CACNA2D3: variants seen among roughly 807,000 people sequenced by gnomAD.
The protein encoded by CACNA2D3 is voltage-dependent calcium channel subunit alpha-2/delta-3.
In CACNA2D3, 60 loss-of-function variants were observed where a neutral mutation model predicts 160.6. That is an observed-to-expected ratio of 0.37 (90% CI 0.30 to 0.46). The LOEUF (loss-of-function observed/expected upper bound fraction) is 0.46, where lower values mean the gene tolerates loss of function less well. CACNA2D3 is among the 20% of genes least tolerant of loss of function. CACNA2D3 has a pLI of 1.00. For missense variants in CACNA2D3, 1,205 were observed against 1,365.0 expected (o/e 0.88, Z 1.85); for synonymous variants, 558 against 492.9 (o/e 1.13, Z -1.75).
chr3:54,162,915 A>G (rs1353888085), intron 2 of CACNA2D3, among the ~76,000 whole-genome samples: 1 of 152,228 alleles, frequency 6.6e-6, no homozygotes, highest in Non-Finnish European at 1.5e-5. Flanking sequence ...AACAATAAAT[A>G]GGGTAAGGGG....
chr3:54,446,849 T>C (rs1282571148), intron 4 of CACNA2D3, among the ~76,000 whole-genome samples: 1 of 152,010 alleles, frequency 6.6e-6, no homozygotes, highest in Non-Finnish European at 1.5e-5. Context: ...CACCTCTGAC[T>C]CTCCTGGAAT....
chr3:54,314,320 G>A (rs1703814484), intron 2 of CACNA2D3, among the ~76,000 whole-genome samples: 1 of 152,154 alleles, frequency 6.6e-6, no homozygotes, highest in Non-Finnish European at 1.5e-5. Flanking sequence ...TGGGTATTTG[G>A]GTTGGTTCCA....
At chr3:54,328,652 C>G (rs980190390) in intron 3 of CACNA2D3, among the ~76,000 whole-genome samples, 1 of 152,170 alleles carries the variant, frequency 6.6e-6, no homozygotes, top group African/African-American at 2.4e-5. Context: ...TGTCCTGCAC[C>G]AGGGTTTGAG....
chr3:55,022,496 C>G (rs1703477293), intron 35 of CACNA2D3, among the ~76,000 whole-genome samples: 1 of 151,868 alleles, frequency 6.6e-6, no homozygotes. Context: ...TTTATATGCT[C>G]TTATTCCTCA....
At chr3:54,190,400 A>T (rs1049476368) in intron 2 of CACNA2D3, among the ~76,000 whole-genome samples, 1 of 152,250 alleles carries the variant, frequency 6.6e-6, no homozygotes, top group Non-Finnish European at 1.5e-5. Flanking sequence ...GAAGAACACA[A>T]GTTTAGGACC....
intron 2 of CACNA2D3, among the ~76,000 whole-genome samples, chr3:54,294,143 C>T (rs957549881): frequency 5.3e-5 from 8 of 152,152 alleles, no homozygotes; most frequent in Admixed American, 4.6e-4. Context: ...TGATATTCGC[C>T]AGTGCTTTGG....
chr3:54,602,522 G>A (rs1207034172), intron 9 of CACNA2D3, among the ~76,000 whole-genome samples: 39 of 141,488 alleles, frequency 2.8e-4, no homozygotes, highest in Admixed American at 5.6e-4. Flanking sequence ...AAAAAAAAAA[G>A]GGAAAAAAGA....
At chr3:54,268,418 T>C (rs991726381) in intron 2 of CACNA2D3, among the ~76,000 whole-genome samples, 9 of 152,168 alleles carry the variant, frequency 5.9e-5, no homozygotes, top group Non-Finnish European at 1.2e-4. Flanking sequence ...ATTTTATTTT[T>C]TATTTATTGA....
intron 4 of CACNA2D3, among the ~76,000 whole-genome samples, chr3:54,502,904 T>A (rs1275156684): frequency 6.6e-6 from 1 of 152,186 alleles, no homozygotes; most frequent in African/African-American, 2.4e-5. Flanking sequence ...CACACTCCCA[T>A]CTGAGGGCTT....
chr3:54,434,779 G>A (rs1051904430), intron 4 of CACNA2D3, among the ~76,000 whole-genome samples: 3 of 152,120 alleles, frequency 2.0e-5, no homozygotes, highest in Non-Finnish European at 4.4e-5. Flanking sequence ...ATTCAGTCCA[G>A]GCCAGTTTCC....
At chr3:54,495,916 A>G (rs931991948) in intron 4 of CACNA2D3, among the ~76,000 whole-genome samples, 7 of 152,218 alleles carry the variant, frequency 4.6e-5, no homozygotes, top group African/African-American at 9.6e-5. Flanking sequence ...GAAATCATGC[A>G]TATGTACTCT....
At chr3:54,544,848 C>A in intron 5 of CACNA2D3, among the ~76,000 whole-genome samples, 1 of 152,136 alleles carries the variant, frequency 6.6e-6, no homozygotes, top group Non-Finnish European at 1.5e-5. Flanking sequence ...GAAATAGCAA[C>A]TTTAAATTGA....
chr3:54,165,937 A>C (rs1700447041), intron 2 of CACNA2D3, among the ~76,000 whole-genome samples: 1 of 152,226 alleles, frequency 6.6e-6, no homozygotes, highest in African/African-American at 2.4e-5. Context: ...AGAAATATGC[A>C]TTTGATCTCC....
intron 34 of CACNA2D3, among the ~76,000 whole-genome samples, chr3:55,015,518 C>A (rs1199815045): frequency 6.6e-6 from 1 of 152,162 alleles, no homozygotes; most frequent in Non-Finnish European, 1.5e-5. Context: ...CATCTGCATG[C>A]TTGTGCCGCA....
At chr3:55,021,625 G>GTATATATATATATA (rs61298986) in intron 35 of CACNA2D3, among the ~76,000 whole-genome samples, 7 of 131,498 alleles carry the variant, frequency 5.3e-5, no homozygotes, top group African/African-American at 2.0e-4. Flanking sequence ...ATGTGTGTGT[G>GTATATATATATATA]TATATATATA....
chr3:54,809,732 T>C (rs144031520), intron 13 of CACNA2D3, among the ~76,000 whole-genome samples: 1 of 151,692 alleles, frequency 6.6e-6, no homozygotes, highest in Non-Finnish European at 1.5e-5. Context: ...CCCTTCCTTT[T>C]TTCTTTTTCT....
chr3:54,864,213 G>A (rs1016381576), intron 17 of CACNA2D3, among the ~76,000 whole-genome samples: 1 of 151,952 alleles, frequency 6.6e-6, no homozygotes, highest in Non-Finnish European at 1.5e-5. Flanking sequence ...GTAAGATATT[G>A]TAAGTTGGGC....
intron 2 of CACNA2D3, among the ~76,000 whole-genome samples, chr3:54,285,278 T>C (rs1702984724): frequency 6.6e-6 from 1 of 152,246 alleles, no homozygotes; most frequent in African/African-American, 2.4e-5. Flanking sequence ...CACCAGGAGA[T>C]TATATTCCTC....
chr3:54,141,837 G>A (rs918739962), intron 2 of CACNA2D3, among the ~76,000 whole-genome samples: 18 of 152,254 alleles, frequency 1.2e-4, no homozygotes, highest in Middle Eastern at 3.4e-3. Flanking sequence ...TTATTCATTC[G>A]TTTATTCAAC....
Sources: gnomAD v4.1 joint callset for allele counts (sites outside exome capture counted in the v4.1 genomes callset) on GRCh38, gnomAD v4.1.1 for gene constraint, MANE v1.5 for transcripts, NCBI Gene and HGNC (gene_info 2026-07-23, HGNC 2026-07-21) for gene names.